QDPR: variants seen among roughly 807,000 people sequenced by gnomAD.
QDPR encodes quinoid dihydropteridine reductase, also known as dihydropteridine reductase.
A neutral mutation model predicts 31.7 loss-of-function variants in QDPR; 23 were observed. The ratio of observed to expected loss-of-function variants is 0.73; its 90% CI spans 0.52 to 1.03. The LOEUF is 1.03. QDPR is among the 50% of genes least tolerant of loss of function. The probability of loss-of-function intolerance (pLI) is 0.00; values close to 1 mark genes in which losing one functional copy is unlikely to be tolerated. For synonymous variants in QDPR, 124 were observed against 124.7 expected, an observed-to-expected ratio of 0.99 and a Z score of 0.03; for missense variants, 324 against 323.8, an observed-to-expected ratio of 1.00 and a Z score of 0.00.
intron 4 of QDPR, among the ~76,000 whole-genome samples, chr4:17,493,390 T>A (rs1394987965): frequency 1.3e-5 from 2 of 152,068 alleles, no homozygotes; most frequent in African/African-American, 4.8e-5. Flanking sequence ...TTAGCTATGA[T>A]CACGTCACTG....
intron 4 of QDPR, among the ~76,000 whole-genome samples, chr4:17,499,223 G>A (rs1277697101): frequency 1.3e-5 from 2 of 152,178 alleles, no homozygotes; most frequent in Admixed American, 6.5e-5. Flanking sequence ...CTTGCCGAAC[G>A]TGTCACAGTA....
At position 17,492,332 on chromosome 4, in the gene QDPR, C is replaced by T. The variant is rs1028029163; in HGVS notation, c.445G>A (p.Gly149Arg). The T allele has an allele frequency of 6.2e-6, 10 of 1,614,054 alleles. No individual in the cohort carries two copies. Among genetic ancestry groups the T allele is most frequent in the South Asian group, 1.1e-5 (1 of 91,074 alleles). Reference protein sequence around the residue: ...AALDGTPGMIGYGMAKGAVHQ... With the variant: ...AALDGTPGMIRYGMAKGAVHQ... ...ACAGCACCCTTGGCCATGCCGTACC[C>T]GATCATACCTGGGAAATGGGGAGAA... The change falls in exon 5 of 7, where the codon GGG becomes AGG. Residue 149 changes from glycine to arginine, a missense_variant. Transcript: ENST00000281243.
chr4:17,498,581 G>T (rs533548630), intron 4 of QDPR, among the ~76,000 whole-genome samples: 2 of 152,190 alleles, frequency 1.3e-5, no homozygotes, highest in African/African-American at 4.8e-5. Context: ...CACAAAAGGG[G>T]TTATTTGCAA....
chr4:17,504,501 A>G, intron 2 of QDPR, 26 bp from the exon 3 acceptor site: 1 of 1,574,130 alleles, frequency 6.4e-7, no homozygotes, highest in Non-Finnish European at 8.7e-7. Context: ...AAAAAAATGT[A>G]TAAACTGTAA....
At chr4:17,497,624 T>A (rs1718412825) in intron 4 of QDPR, among the ~76,000 whole-genome samples, 1 of 152,164 alleles carries the variant, frequency 6.6e-6, no homozygotes, top group Non-Finnish European at 1.5e-5. Flanking sequence ...ACTAGCTAGG[T>A]TGTCTTAGAC....
At chr4:17,495,057 G>A (rs1031714965) in intron 4 of QDPR, among the ~76,000 whole-genome samples, 1 of 152,128 alleles carries the variant, frequency 6.6e-6, no homozygotes, top group African/African-American at 2.4e-5. Flanking sequence ...CGGCAGGGAG[G>A]GGGTGATGCT....
chr4:17,503,079 T>C (rs1398160416), intron 3 of QDPR, among the ~76,000 whole-genome samples: 3 of 152,198 alleles, frequency 2.0e-5, no homozygotes, highest in African/African-American at 4.8e-5. Flanking sequence ...ACTGAGTCTC[T>C]AGACCCAAAT....
chr4:17,505,299 T>C (rs1261889877), intron 2 of QDPR, among the ~76,000 whole-genome samples: 1 of 142,694 alleles, frequency 7.0e-6, no homozygotes, highest in Admixed American at 7.9e-5. Context: ...CAGGCTGGAG[T>C]GCGATGGCGC....
intron 2 of QDPR, among the ~76,000 whole-genome samples, chr4:17,505,340 C>T (rs1055206403): frequency 6.6e-6 from 1 of 151,472 alleles, no homozygotes; most frequent in South Asian, 2.1e-4. Flanking sequence ...TCCACCTCCC[C>T]GGTTCAAGCG....
At chr4:17,496,572 A>C (rs1718366800) in intron 4 of QDPR, among the ~76,000 whole-genome samples, 1 of 151,666 alleles carries the variant, frequency 6.6e-6, no homozygotes, top group Non-Finnish European at 1.5e-5. Flanking sequence ...TAAATTATTT[A>C]ATCTATGATG....
intron 1 of QDPR, among the ~76,000 whole-genome samples, chr4:17,511,268 T>G (rs1718995460): frequency 6.6e-6 from 1 of 152,092 alleles, no homozygotes; most frequent in South Asian, 2.1e-4. Context: ...TGCTCCGACT[T>G]GCCGCCTCCT....
chr4:17,498,655 T>TG (rs1240895944), intron 4 of QDPR, among the ~76,000 whole-genome samples: 1 of 152,256 alleles, frequency 6.6e-6, no homozygotes, highest in Non-Finnish European at 1.5e-5. Context: ...ATGATCAGTG[T>TG]GGTCCCCCAA....
At chr4:17,510,698 A>G (rs780176037) in intron 1 of QDPR, among the ~76,000 whole-genome samples, 1 of 152,168 alleles carries the variant, frequency 6.6e-6, no homozygotes, top group Non-Finnish European at 1.5e-5. Context: ...TTCACCCTCT[A>G]ACACATGACG....
In QDPR at chr4:17,487,113, T is replaced by C. The variant is rs551937467; in HGVS notation, c.*18A>G. 26 of 1,601,600 alleles carry C rather than the reference T, an allele frequency of 1.6e-5. No homozygotes were observed. In the South Asian group the frequency reaches 2.4e-4, roughly 15 times the overall value. On this transcript the variant is annotated 3_prime_UTR_variant, in exon 7 of 7. Transcript: ENST00000281243. ...AGTGACTTTTCTGGCAGGCCCCTCATAGGCACTGAGATGAGGCCTAAAAAT... is the reference window on the plus strand; with the variant it reads ...AGTGACTTTTCTGGCAGGCCCCTCACAGGCACTGAGATGAGGCCTAAAAAT...
At chr4:17,489,408 A>G (rs1718081327) in intron 6 of QDPR, among the ~76,000 whole-genome samples, 1 of 152,222 alleles carries the variant, frequency 6.6e-6, no homozygotes, top group South Asian at 2.1e-4. Flanking sequence ...CGGCCTTTAA[A>G]AAGAAATTCA....
rs776059277 is a variant in QDPR, at chr4:17,512,046, C to T, written c.9G>A (p.Ala3=). 1.2e-6 allele frequency: 2 copies of T among 1,601,518 alleles called. No individual in the cohort carries two copies. The highest frequency in any genetic ancestry group is 1.3e-5 in the African/African-American group (1 of 74,158). The part of the protein sequence containing the change: MA[A]AAAAGEARRV... ...GGCGCGCCTCGCCTGCAGCCGCCGC[C>T]GCCGCCATCCTGCTCCTGCCAGCCC... Residue 3 remains alanine, a synonymous_variant, in exon 1 of 7, where the codon GCG becomes GCA. Coordinates refer to ENST00000281243, the MANE Select transcript of QDPR (RefSeq NM_000320.3).
chr4:17,486,825 C>G lies in QDPR; in HGVS notation c.*306G>C, dbSNP rs1284764537. On this transcript the variant is annotated 3_prime_UTR_variant, in exon 7 of 7. Coordinates refer to ENST00000281243, the MANE Select transcript of QDPR (RefSeq NM_000320.3). ...TCAAGATGACAGCCACTGTCAAGGA[C>G]AGATGAACAGTCACAAAAGCGATCC... 1 of 401,232 alleles carries G rather than the reference C, an allele frequency of 2.5e-6. No individual in the cohort carries two copies. Among genetic ancestry groups the G allele is most frequent in the East Asian group, 5.0e-5 (1 of 20,140 alleles). The allele number at this position is 401,232 out of a possible 1,614,324, so 24.9% of individuals were successfully genotyped here.
At chr4:17,496,486 G>GCT (rs1718364156) in intron 4 of QDPR, among the ~76,000 whole-genome samples, 2 of 126,092 alleles carry the variant, frequency 1.6e-5, no homozygotes, top group Admixed American at 8.1e-5. Context: ...CAAACTGGTA[G>GCT]CTCTGTTCAT....
rs908304073 is a variant in QDPR at position 17,512,018 on chromosome 4, C to T, written c.37G>A (p.Val13Met). The T allele has an allele frequency of 3.7e-6, 6 of 1,607,300 alleles. No homozygotes were observed. The Admixed American group carries it at 5.0e-5, about 13-fold the overall frequency. Residue 13 changes from valine to methionine, a missense_variant, in exon 1 of 7, where the codon GTG becomes ATG. Transcript: ENST00000281243. ...GCGCCCCTGCCGCCGTACACCAGCACCCGGCGCGCCTCGCCTGCAGCCGCC... is the reference window on the plus strand; with the variant it reads ...GCGCCCCTGCCGCCGTACACCAGCATCCGGCGCGCCTCGCCTGCAGCCGCC... ...AAAAAGEARR[V>M]LVYGGRGALG...
Sources: allele counts gnomAD v4.1 joint callset (sites outside exome capture counted in the v4.1 genomes callset), GRCh38; gene constraint gnomAD v4.1.1; transcripts MANE v1.5; gene names NCBI Gene and HGNC (gene_info 2026-07-23, HGNC 2026-07-21).